The following DARS2 variants were observed in gnomAD, a reference collection of about 807,000 sequenced individuals.
DARS2 encodes the protein aspartate--tRNA ligase, mitochondrial.
In DARS2, 63 loss-of-function variants were observed where a neutral mutation model predicts 83.0. The observed-to-expected ratio is 0.76, with a 90% CI of 0.62 to 0.94. The LOEUF is 0.94. Ranked by LOEUF, DARS2 falls within the 40% of genes least tolerant of loss-of-function variation. The pLI, the probability that DARS2 is intolerant of heterozygous loss-of-function variation, is 0.00. For missense variants in DARS2, 675 were observed against 774.4 expected (o/e 0.87, Z 1.52); for synonymous variants, 250 against 269.3 (o/e 0.93, Z 0.70).
At chr1:173,829,549 G>T (rs984722348) in intron 3 of DARS2, among the ~76,000 whole-genome samples, 4 of 152,088 alleles carry the variant, frequency 2.6e-5, no homozygotes, top group African/African-American at 9.7e-5. Flanking sequence ...GGAGGCCGAG[G>T]CCAGCAGATT....
chr1:173,838,766 C>T (rs940122280), intron 9 of DARS2, among the ~76,000 whole-genome samples: 6 of 151,972 alleles, frequency 3.9e-5, no homozygotes, highest in African/African-American at 9.7e-5. Context: ...GACAGAGTCT[C>T]GCTCTGTCTC....
At chr1:173,856,114 G>C (rs951445318) in intron 15 of DARS2, among the ~76,000 whole-genome samples, 1 of 152,050 alleles carries the variant, frequency 6.6e-6, no homozygotes. Flanking sequence ...TAAGGCTTTG[G>C]CCTCTGTTTG....
chr1:173,826,876 A>G, intron 2 of DARS2, 90 bp downstream of exon 2: 1 of 1,006,012 alleles, frequency 9.9e-7, no homozygotes, highest in Non-Finnish European at 1.6e-6. Flanking sequence ...AGTCCGAAGA[A>G]TAAAACGTTT....
intron 12 of DARS2, among the ~76,000 whole-genome samples, chr1:173,845,797 G>A (rs1410106093): frequency 1.3e-5 from 2 of 152,134 alleles, no homozygotes; most frequent in Non-Finnish European, 2.9e-5. Context: ...CAAGGCAGGC[G>A]GATCACTTGA....
intron 5 of DARS2, 30 bp downstream of exon 5, chr1:173,831,660 G>C: frequency 6.5e-7 from 1 of 1,536,692 alleles, no homozygotes; most frequent in East Asian, 2.3e-5. Flanking sequence ...ATAAAATAGA[G>C]TATCTAGAAA....
rs765083913 is a variant in DARS2 at position 173,839,416 on chromosome 1, T to C, written c.890T>C (p.Ile297Thr). ...GACCAGACTGGGATCCAGAGTTTAATTGAGGGTTTGCTCCAGTATTCCTGG... is the reference window on the plus strand; with the variant it reads ...GACCAGACTGGGATCCAGAGTTTAACTGAGGGTTTGCTCCAGTATTCCTGG... ...FVDQTGIQSL[I>T]EGLLQYSWPN... Residue 297 changes from isoleucine (I) to threonine (T), a missense_variant, in exon 10 of 17, where the codon ATT becomes ACT. By Grantham distance (89) the Ile-to-Thr change is moderately conservative. Transcript: ENST00000649689. 3.1e-6 allele frequency: 5 copies of C among 1,614,198 alleles called. No homozygotes were observed. Among genetic ancestry groups the C allele is most frequent in the Non-Finnish European group, 2.5e-6 (3 of 1,180,016 alleles).
chr1:173,833,325 C>G, intron 5 of DARS2, 51 bp from the exon 6 acceptor site: 1 of 1,477,670 alleles, frequency 6.8e-7, no homozygotes, highest in Middle Eastern at 2.4e-4. Flanking sequence ...AAGATAATAC[C>G]TTTCTAATAT....
At position 173,824,962 on chromosome 1, in the gene DARS2, G is replaced by C. The variant is rs1571973236; in HGVS notation, c.-268G>C. On this transcript the variant is annotated 5_prime_UTR_variant, in exon 1 of 17. Transcript: ENST00000649689. ...CGTCGTCACTTTTGGCTGCCGACTT[G>C]TTGAGTAGAAGTGCAGACTGATGCT... 2.6e-6 allele frequency: 1 copy of C among 384,514 alleles called. No homozygotes were observed. Among genetic ancestry groups the C allele is most frequent in the African/African-American group, 2.1e-5 (1 of 47,816 alleles). The allele number at this position is 384,514 out of a possible 1,614,324, so 23.8% of individuals were successfully genotyped here.
At chr1:173,854,126 C>T (rs891901201) in intron 15 of DARS2, among the ~76,000 whole-genome samples, 1 of 152,126 alleles carries the variant, frequency 6.6e-6, no homozygotes, top group Non-Finnish European at 1.5e-5. Flanking sequence ...CAGGCACATG[C>T]CACCATGCCC....
At chr1:173,856,814 G>A in intron 16 of DARS2, 73 bp downstream of exon 16, 1 of 1,270,904 alleles carries the variant, frequency 7.9e-7, no homozygotes, top group South Asian at 1.2e-5. Context: ...CTCAGTTTGT[G>A]TTGGTAGAGG....
intron 11 of DARS2, among the ~76,000 whole-genome samples, chr1:173,843,587 A>G (rs142949539): frequency 6.6e-6 from 1 of 152,190 alleles, no homozygotes; most frequent in African/African-American, 2.4e-5. Context: ...AACATGAACA[A>G]TCCTCACAGG....
chr1:173,853,799 G>T lies in DARS2; in HGVS notation c.1568G>T (p.Arg523Leu). ...AAGTATCTGTGAATCTTCTAGGCCC[G>T]TAGCCAACACTATGACTTGGTTTTA... The part of the protein sequence containing the change: ...HLLYTEPKKA[R>L]SQHYDLVLNG... Residue 523 changes from arginine to leucine, a missense_variant, in exon 15 of 17, where the codon CGT becomes CTT. Physicochemically the swap from Arg to Leu is moderately radical, Grantham distance 102. Transcript: ENST00000649689. 6.2e-7 allele frequency: 1 copy of T among 1,613,642 alleles called. No homozygotes were observed. The highest frequency in any genetic ancestry group is 8.5e-7 in the Non-Finnish European group (1 of 1,179,606).
chr1:173,844,943 G>GCCCA (rs1653376125), intron 11 of DARS2, among the ~76,000 whole-genome samples: 6 of 151,156 alleles, frequency 4.0e-5, no homozygotes, highest in Admixed American at 4.0e-4. Context: ...TCAGGCACCT[G>GCCCA]CCACCATACC....
At position 173,825,008 on chromosome 1, in the gene DARS2, T is replaced by C; in HGVS notation, c.-222T>C. On this transcript the variant is annotated 5_prime_UTR_variant, in exon 1 of 17. Transcript: ENST00000649689. ...ATGCTTTAAGACTCAGGGAGAGGTC[T>C]TTCCCTTATCTCCACCCCAGCAAGC... 1 of 494,536 alleles carries C rather than the reference T, an allele frequency of 2.0e-6. No individual in the cohort carries two copies. Among genetic ancestry groups the C allele is most frequent in the Non-Finnish European group, 3.6e-6 (1 of 275,276 alleles). 30.6% of individuals were successfully genotyped at this position (494,536 alleles called of 1,614,324 possible).
Position 173,853,784 on chromosome 1 carries a change from G to GAC in DARS2, c.1564-10_1564-9insCA, listed in dbSNP as rs767586134. On this transcript the variant is annotated splice_polypyrimidine_tract_variant and intron_variant, in intron 14 of 16. Transcript: ENST00000649689. Reference sequence around the variant, plus strand: ...ATTTTCTCTAACATAAAGTATCTGTGAATCTTCTAGGCCCGTAGCCAACAC... The same window carrying GAC: ...ATTTTCTCTAACATAAAGTATCTGTGACAATCTTCTAGGCCCGTAGCCAACAC... 6.2e-7 allele frequency: 1 copy of GAC among 1,610,490 alleles called. No homozygotes were observed. The highest frequency in any genetic ancestry group is 1.1e-5 in the South Asian group (1 of 90,986).
Position 173,833,358 on chromosome 1 carries a change from ATC to A in DARS2, c.493-16_493-15del. On this transcript the variant is annotated splice_polypyrimidine_tract_variant and intron_variant, in intron 5 of 16. Coordinates refer to ENST00000649689, the MANE Select transcript of DARS2 (RefSeq NM_018122.5). ...TATTGAAAAATATTTAAATATAAAA[ATC>A]TTTCAATTTCTTTAGAAAACAGAGG... 1 of 1,539,152 alleles carries A rather than the reference ATC, an allele frequency of 6.5e-7. No individual in the cohort carries two copies. The highest frequency in any genetic ancestry group is 8.8e-7 in the Non-Finnish European group (1 of 1,142,346).
At chr1:173,827,400 C>A (rs543592799) in intron 2 of DARS2, among the ~76,000 whole-genome samples, 4 of 152,078 alleles carry the variant, frequency 2.6e-5, no homozygotes, top group Non-Finnish European at 5.9e-5. Context: ...GAGGCCGAGG[C>A]GGGCGGATCA....
intron 6 of DARS2, among the ~76,000 whole-genome samples, 172 bp downstream of exon 6, chr1:173,833,671 A>T (rs1159701288): frequency 6.6e-6 from 1 of 152,242 alleles, no homozygotes; most frequent in Non-Finnish European, 1.5e-5. Context: ...TTTAAAGATG[A>T]TAAAGATGAT....
At chr1:173,857,407 G>A in intron 16 of DARS2, 111 bp from the exon 17 acceptor site, 1 of 1,111,934 alleles carries the variant, frequency 9.0e-7, no homozygotes, top group Non-Finnish European at 1.3e-6. Flanking sequence ...GTTGGCTACA[G>A]TTTGTTAAAG....
Sources: allele counts gnomAD v4.1 joint callset (sites outside exome capture counted in the v4.1 genomes callset), GRCh38; gene constraint gnomAD v4.1.1; transcripts MANE v1.5; gene names NCBI Gene and HGNC (gene_info 2026-07-23, HGNC 2026-07-21).